Variants in SDK2 observed in about 807,000 individuals in gnomAD.
SDK2 encodes the protein sidekick cell adhesion molecule 2.
SDK2 carries 105 observed loss-of-function variants against 253.9 expected under a neutral mutation model. The ratio of observed to expected loss-of-function variants is 0.41; its 90% CI spans 0.35 to 0.49. The LOEUF (loss-of-function observed/expected upper bound fraction) is 0.49, where lower values mean the gene tolerates loss of function less well. Among genes scored for constraint, SDK2 ranks in the 20% least tolerant of loss-of-function variants. SDK2 has a pLI of 0.06. For missense variants in SDK2, 2,608 were observed against 3,003.0 expected (o/e 0.87, Z 3.07); for synonymous variants, 1,249 against 1,234.9 (o/e 1.01, Z -0.24).
At chr17:73,482,871 A>G (rs2063735088) in intron 2 of SDK2, among the ~76,000 whole-genome samples, 1 of 152,224 alleles carries the variant, frequency 6.6e-6, no homozygotes, top group African/African-American at 2.4e-5. Context: ...TAACAACCAC[A>G]GTAGCAGCAT....
intron 1 of SDK2, among the ~76,000 whole-genome samples, chr17:73,547,090 A>G (rs2044977791): frequency 6.6e-6 from 1 of 152,204 alleles, no homozygotes; most frequent in African/African-American, 2.4e-5. Flanking sequence ...TGCCCTGCCT[A>G]GGGCATCTGG....
chr17:73,460,677 G>A (rs2063557488), intron 3 of SDK2, among the ~76,000 whole-genome samples: 1 of 152,110 alleles, frequency 6.6e-6, no homozygotes, highest in African/African-American at 2.4e-5. Flanking sequence ...CACTTACCCT[G>A]CCAAGAACTT....
chr17:73,510,264 T>G (rs1274541432), intron 1 of SDK2, among the ~76,000 whole-genome samples: 1 of 152,156 alleles, frequency 6.6e-6, no homozygotes, highest in African/African-American at 2.4e-5. Flanking sequence ...CAGCTGGCCC[T>G]GCTGCACAGC....
rs1048771749 is a variant in SDK2, at chr17:73,455,813, C to T, written c.479+93G>A. 1 of 1,371,376 alleles carries T rather than the reference C, an allele frequency of 7.3e-7. No individual in the cohort carries two copies. 85.0% of individuals were successfully genotyped at this position (1,371,376 alleles called of 1,614,324 possible). On this transcript the variant is annotated intron_variant, in intron 4 of 44. Coordinates refer to ENST00000392650, the MANE Select transcript of SDK2 (RefSeq NM_001144952.2). The surrounding 1 kb of genome is among the most constrained non-coding windows in gnomAD (Gnocchi z 5.0). ...CTGAAAGGGGCTTCTGCACAAAGGCCCTCCTCCACACTCAAGGGAGACTTT... is the reference window on the plus strand; with the variant it reads ...CTGAAAGGGGCTTCTGCACAAAGGCTCTCCTCCACACTCAAGGGAGACTTT...
At position 73,593,930 on chromosome 17, in the gene SDK2, T is replaced by G. The variant is rs545964682; in HGVS notation, c.64+50095A>C. On this transcript the variant is annotated intron_variant, in intron 1 of 44. Transcript: ENST00000392650. ...TGTGTTGGACAATTTGGTTGCATTATCTCCTTTAATCCCCACAGGGAATTT... is the reference window on the plus strand; with the variant it reads ...TGTGTTGGACAATTTGGTTGCATTAGCTCCTTTAATCCCCACAGGGAATTT... Among the ~76,000 whole-genome samples the G allele has an allele frequency of 1.3e-3, 200 of 152,274 alleles. 2 individuals carry two copies. In the South Asian group the frequency reaches 0.013, roughly 10 times the overall value.
rs545391470 is a variant in SDK2, at chr17:73,571,925, C to T, written c.65-64328G>A. Among the ~76,000 whole-genome samples, 506 of 152,274 alleles carry T rather than the reference C, an allele frequency of 3.3e-3. 3 individuals carry two copies. Among genetic ancestry groups the T allele is most frequent in the Middle Eastern group, 0.01 (3 of 294 alleles). On this transcript the variant is annotated intron_variant, in intron 1 of 44. Coordinates refer to ENST00000392650, the MANE Select transcript of SDK2 (RefSeq NM_001144952.2). ...GCCGGGCTTTCCATGGCCAACCTCA[C>T]GGCCCACGGGGAAGGAGGAGCGCCC...
At chr17:73,396,089 T>A (rs1048516154) in intron 24 of SDK2, among the ~76,000 whole-genome samples, 4 of 152,098 alleles carry the variant, frequency 2.6e-5, no homozygotes, top group Non-Finnish European at 5.9e-5. Flanking sequence ...GGTTTCGCCA[T>A]GTTGATCTCA....
intron 2 of SDK2, among the ~76,000 whole-genome samples, chr17:73,479,424 G>C (rs771351688): frequency 6.6e-6 from 1 of 152,194 alleles, no homozygotes; most frequent in Non-Finnish European, 1.5e-5. Context: ...GGTGGTGATC[G>C]AGGACCTGGC....
intron 1 of SDK2, among the ~76,000 whole-genome samples, chr17:73,599,292 G>A (rs1348114556): frequency 6.6e-6 from 1 of 152,180 alleles, no homozygotes; most frequent in African/African-American, 2.4e-5. Context: ...AGCACTTTGG[G>A]AGGCCGAAGG....
intron 37 of SDK2, among the ~76,000 whole-genome samples, chr17:73,367,089 C>T (rs1383269931): frequency 6.6e-6 from 1 of 152,070 alleles, no homozygotes; most frequent in East Asian, 1.9e-4. Context: ...CTGCAACCTC[C>T]ACCTCCCAGG....
At chr17:73,539,711 A>G (rs1490177430) in intron 1 of SDK2, among the ~76,000 whole-genome samples, 7 of 152,216 alleles carry the variant, frequency 4.6e-5, no homozygotes, top group African/African-American at 1.2e-4. Context: ...CTTTGAAAAT[A>G]TAGTCTTTGC....
intron 2 of SDK2, 52 bp downstream of exon 2, chr17:73,507,386 G>C: frequency 6.6e-7 from 1 of 1,509,964 alleles, no homozygotes; most frequent in Admixed American, 2.0e-5. Context: ...CCTCTTCAAA[G>C]CAGGGCAGTG....
At position 73,603,720 on chromosome 17, in the gene SDK2, C is replaced by T. The variant is rs942024982; in HGVS notation, c.64+40305G>A. 1.8e-4 allele frequency among the ~76,000 whole-genome samples: 28 copies of T among 152,358 alleles called. No homozygotes were observed. In the East Asian group the frequency reaches 3.1e-3, roughly 17 times the overall value. On this transcript the variant is annotated intron_variant, in intron 1 of 44. Coordinates refer to ENST00000392650, the MANE Select transcript of SDK2 (RefSeq NM_001144952.2). ...AGACATATTAGCCTTGCTTTAAAGACGAAACCAAGGCTTAGAGAGGTTAAG... is the reference window on the plus strand; with the variant it reads ...AGACATATTAGCCTTGCTTTAAAGATGAAACCAAGGCTTAGAGAGGTTAAG...
At chr17:73,603,937 G>A (rs2045874259) in intron 1 of SDK2, among the ~76,000 whole-genome samples, 1 of 152,222 alleles carries the variant, frequency 6.6e-6, no homozygotes, top group African/African-American at 2.4e-5. Context: ...CTGGAGAAGA[G>A]GTGTCATAAA....
chr17:73,378,139 T>A (rs1184584685), intron 36 of SDK2, among the ~76,000 whole-genome samples: 1 of 142,410 alleles, frequency 7.0e-6, no homozygotes, highest in Non-Finnish European at 1.5e-5. Flanking sequence ...CTTGCTCTGT[T>A]ACCTGGCTGG....
intron 1 of SDK2, among the ~76,000 whole-genome samples, chr17:73,538,647 G>A (rs1322688188): frequency 1.3e-5 from 2 of 152,232 alleles, no homozygotes; most frequent in African/African-American, 4.8e-5. Context: ...CCACACTGGG[G>A]ATTCGGGGAG....
At chr17:73,359,293 G>A (rs2062620816) in intron 39 of SDK2, among the ~76,000 whole-genome samples, 1 of 147,976 alleles carries the variant, frequency 6.8e-6, no homozygotes, top group Non-Finnish European at 1.5e-5. Flanking sequence ...AACCCCACCC[G>A]GCCACTATGC....
chr17:73,354,281 A>T (rs4969030), intron 40 of SDK2, among the ~76,000 whole-genome samples: 2 of 152,132 alleles, frequency 1.3e-5, no homozygotes, highest in Non-Finnish European at 2.9e-5. Context: ...TTTGCACCTG[A>T]GCTTCCCTCA....
At chr17:73,339,375 T>G (rs1599462710) in intron 44 of SDK2, among the ~76,000 whole-genome samples, 1 of 151,964 alleles carries the variant, frequency 6.6e-6, no homozygotes, top group East Asian at 1.9e-4. Context: ...GACAGACATG[T>G]GCCACCACGC....
Sources: allele counts gnomAD v4.1 joint callset (sites outside exome capture counted in the v4.1 genomes callset), GRCh38; gene constraint gnomAD v4.1.1; non-coding constraint Gnocchi (gnomAD v3.1); transcripts MANE v1.5; gene names NCBI Gene and HGNC (gene_info 2026-07-23, HGNC 2026-07-21).